FBXL5: variants seen among roughly 807,000 people sequenced by gnomAD.
The protein encoded by FBXL5 is F-box/LRR-repeat protein 5.
Under a neutral mutation model 78.3 loss-of-function variants are expected in FBXL5, and 26 were observed. The observed-to-expected ratio is 0.33, with a 90% CI of 0.24 to 0.46. The LOEUF is 0.46. Among genes scored for constraint, FBXL5 ranks in the 20% least tolerant of loss-of-function variants. The pLI is 1.00. For missense variants in FBXL5, 710 were observed against 829.2 expected, an observed-to-expected ratio of 0.86 and a Z score of 1.77; for synonymous variants, 295 against 282.5, an observed-to-expected ratio of 1.04 and a Z score of -0.45.
chr4:15,617,310 G>A (rs975772806), intron 9 of FBXL5, among the ~76,000 whole-genome samples: 8 of 152,186 alleles, frequency 5.3e-5, no homozygotes, highest in African/African-American at 9.6e-5. Flanking sequence ...GGGAGGCCGA[G>A]GCAGGTGGAC....
chr4:15,678,613 C>CAAA (rs10693429), intron 1 of FBXL5, among the ~76,000 whole-genome samples: 53,241 of 151,784 alleles, frequency 0.35, 9,688 homozygotes, highest in Non-Finnish European at 0.37. Context: ...ACTTTTTGAC[C>CAAA]AAAATGATCT....
chr4:15,670,958 C>T lies in FBXL5; in HGVS notation c.-284+10425G>A, dbSNP rs945550688. On this transcript the variant is annotated intron_variant, in intron 1 of 4. Coordinates refer to the FBXL5 transcript ENST00000507899. The stretch of plus-strand genomic sequence containing the variant: ...TTTTTTTTTGAGATCGAGTCTCACT[C>T]TGTTGCCCAGGCTGGAATGCAGTGG... Among the ~76,000 whole-genome samples, 5 of 111,802 alleles carry T rather than the reference C, an allele frequency of 4.5e-5. No homozygotes were observed. The Admixed American group carries it at 6.8e-4, about 15-fold the overall frequency. The allele number at this position is 111,802 out of a possible 152,430, so 73.3% of individuals were successfully genotyped here.
intron 9 of FBXL5, among the ~76,000 whole-genome samples, chr4:15,619,032 T>C (rs1268916389): frequency 6.6e-6 from 1 of 152,134 alleles, no homozygotes; most frequent in African/African-American, 2.4e-5. Flanking sequence ...CACACGCCTG[T>C]GGTCCCAGCT....
intron 1 of FBXL5, among the ~76,000 whole-genome samples, chr4:15,679,902 G>GA (rs535093298): frequency 1.8e-4 from 28 of 152,216 alleles, no homozygotes; most frequent in Middle Eastern, 3.4e-3. Context: ...ATTCTTTTCA[G>GA]AATCTGACAG....
intron 1 of FBXL5, among the ~76,000 whole-genome samples, chr4:15,646,745 T>C (rs1715395828): frequency 7.5e-6 from 1 of 134,168 alleles, no homozygotes; most frequent in South Asian, 2.6e-4. Flanking sequence ...CCTTCCCACG[T>C]CCATGTTGTT....
In FBXL5 at chr4:15,605,251, T is replaced by C. The variant is rs1239225930; in HGVS notation, c.*472A>G. The C allele has an allele frequency of 1.3e-5, 2 of 152,928 alleles. No individual in the cohort carries two copies. Among genetic ancestry groups the C allele is most frequent in the Non-Finnish European group, 2.9e-5 (2 of 68,278 alleles). 9.5% of individuals were successfully genotyped at this position (152,928 alleles called of 1,614,324 possible). Reference sequence around the variant, plus strand: ...TTTGAATTGGCCTTCTGAGAATCATTGAAATAAAGGAAATATTACGGAAAA... The same window carrying C: ...TTTGAATTGGCCTTCTGAGAATCATCGAAATAAAGGAAATATTACGGAAAA... On this transcript the variant is annotated 3_prime_UTR_variant, in exon 11 of 11. Coordinates refer to ENST00000341285, the MANE Select transcript of FBXL5 (RefSeq NM_012161.4).
At position 15,638,601 on chromosome 4, in the gene FBXL5, T is replaced by C. The variant is rs776144606; in HGVS notation, c.490A>G (p.Thr164Ala). ...VIAQHCSQKD[T>A]AELLRGLSLW... is the part of the protein sequence containing the mutation. ...CTAAGACCTCTAAGGAGTTCTGCAG[T>C]ATCCTTCTGAGAGCAGTGTTGTGCA... is the stretch of plus-strand genomic sequence containing the variant. Residue 164 changes from threonine (T) to alanine (A), a missense_variant, in exon 4 of 11, where the codon ACT (threonine) becomes GCT (alanine). Thr to Ala is a moderately conservative substitution (Grantham distance 58, BLOSUM62 0). Around this residue, in one of 4 missense-constraint regions of FBXL5, gnomAD observed 517 missense variants for 542.9 expected, o/e 0.95. Transcript: ENST00000341285. 5 of 1,613,256 alleles carry C rather than the reference T, an allele frequency of 3.1e-6. No homozygotes were observed. Among genetic ancestry groups the C allele is most frequent in the Middle Eastern group, 1.7e-4 (1 of 6,058 alleles).
upstream of FBXL5, among the ~76,000 whole-genome samples, chr4:15,657,516 T>C (rs977160289): frequency 4.6e-5 from 7 of 152,144 alleles, no homozygotes; most frequent in Non-Finnish European, 7.4e-5. Context: ...ACAAAAAAAG[T>C]CCATCCACAC....
chr4:15,655,493 A>G (rs1468723794), upstream of FBXL5: 2 of 628,488 alleles, frequency 3.2e-6, no homozygotes, highest in Non-Finnish European at 4.0e-6. Flanking sequence ...GCGCGCGCAG[A>G]GGCTCGCGGC....
chr4:15,661,380 G>A (rs1298500110), upstream of FBXL5, among the ~76,000 whole-genome samples: 1 of 152,180 alleles, frequency 6.6e-6, no homozygotes, highest in Non-Finnish European at 1.5e-5. Context: ...TGAGAACTAA[G>A]TGTTTTATGG....
upstream of FBXL5, chr4:15,655,520 C>G (rs991049987): frequency 8.6e-5 from 29 of 335,966 alleles, no homozygotes; most frequent in East Asian, 1.7e-4. Context: ...CTCCCGCCCC[C>G]ACTCTTTTCG....
chr4:15,659,064 G>A (rs1717172213), upstream of FBXL5, among the ~76,000 whole-genome samples: 1 of 152,064 alleles, frequency 6.6e-6, no homozygotes, highest in South Asian at 2.1e-4. Context: ...ATTAATTTCA[G>A]TCCCTCCTGT....
chr4:15,656,232 G>A (rs369280285), upstream of FBXL5: 1 of 456,238 alleles, frequency 2.2e-6, no homozygotes. Context: ...CACTAACCCA[G>A]GAAAATGTCT....
In FBXL5 at chr4:15,643,807, A is replaced by G. The variant is rs114424356; in HGVS notation, c.300+686T>C. Among the ~76,000 whole-genome samples the G allele has an allele frequency of 5.6e-3, 855 of 152,390 alleles. 13 individuals carry two copies. The highest frequency in any genetic ancestry group is 0.02 in the African/African-American group (819 of 41,598). The stretch of plus-strand genomic sequence containing the variant: ...TACCTTTGGTCACCATTAACTGGAT[A>G]GCTTTCCTTTAAGAATTCAGCAAAT... On this transcript the variant is annotated intron_variant, in intron 2 of 10. Coordinates refer to ENST00000341285, the MANE Select transcript of FBXL5 (RefSeq NM_012161.4).
In FBXL5 at chr4:15,648,771, C is replaced by T. The variant is rs868728099; in HGVS notation, c.85-4063G>A. Among the ~76,000 whole-genome samples the T allele has an allele frequency of 2.6e-5, 4 of 152,060 alleles. No individual in the cohort carries two copies. In the South Asian group the frequency reaches 8.3e-4, roughly 32 times the overall value. ...CTAACTTTCAGTTCTAAGATGAGTACGTTCTGGGGATATAAGGTACAGTAT... is the reference window on the plus strand; with the variant it reads ...CTAACTTTCAGTTCTAAGATGAGTATGTTCTGGGGATATAAGGTACAGTAT... On this transcript the variant is annotated intron_variant, in intron 1 of 10. Coordinates refer to ENST00000341285, the MANE Select transcript of FBXL5 (RefSeq NM_012161.4).
At chr4:15,631,061 C>T (rs1713592531) in intron 5 of FBXL5, among the ~76,000 whole-genome samples, 1 of 152,072 alleles carries the variant, frequency 6.6e-6, no homozygotes, top group South Asian at 2.1e-4. Context: ...TGCTATCCCT[C>T]CCCCAGTCCC....
At chr4:15,670,583 T>C (rs1717719872) in intron 1 of FBXL5, among the ~76,000 whole-genome samples, 1 of 152,342 alleles carries the variant, frequency 6.6e-6, no homozygotes, top group African/African-American at 2.4e-5. Context: ...GGGATGCATA[T>C]ATAGCCAGTG....
Position 15,655,203 on chromosome 4 carries a change from C to G in FBXL5, c.84+1G>C, listed in dbSNP as rs868117327. On this transcript the variant is annotated splice_donor_variant, in intron 1 of 10. Coordinates refer to ENST00000341285, the MANE Select transcript of FBXL5 (RefSeq NM_012161.4). LOFTEE classifies it high-confidence loss of function. Reference sequence around the variant, plus strand: ...CAGCGGGAGGCTCAGCGCTCCGTTACCTTGTCGCAGTAGAGCCCCACCAGC... The same window carrying G: ...CAGCGGGAGGCTCAGCGCTCCGTTAGCTTGTCGCAGTAGAGCCCCACCAGC... 2 of 1,409,784 alleles carry G rather than the reference C, an allele frequency of 1.4e-6. No homozygotes were observed. The highest frequency in any genetic ancestry group is 3.3e-5 in the African/African-American group (2 of 60,264). 87.3% of individuals were successfully genotyped at this position (1,409,784 alleles called of 1,614,324 possible).
At chr4:15,655,542 C>T (rs1279426625), upstream of FBXL5, 7 of 221,106 alleles carry the variant, frequency 3.2e-5, no homozygotes, top group Non-Finnish European at 5.3e-5. Context: ...TTTTTGTCGT[C>T]TTCATAAGCC....
Sources: allele counts gnomAD v4.1 joint callset (sites outside exome capture counted in the v4.1 genomes callset), GRCh38; gene constraint gnomAD v4.1.1; regional missense constraint gnomAD v4.1.1; transcripts MANE v1.5; gene names NCBI Gene and HGNC (gene_info 2026-07-23, HGNC 2026-07-21).